The following DNAH2 variants were observed in gnomAD, a reference collection of about 807,000 sequenced individuals.
DNAH2 encodes axonemal beta dynein heavy chain 2.
In DNAH2, 323 loss-of-function variants were observed where a neutral mutation model predicts 523.5. The observed-to-expected ratio is 0.62, with a 90% CI of 0.56 to 0.68. DNAH2 has a LOEUF of 0.68. Among genes scored for constraint, DNAH2 ranks in the 30% least tolerant of loss-of-function variants. The probability of loss-of-function intolerance (pLI) is 0.00; values close to 1 mark genes in which losing one functional copy is unlikely to be tolerated. For synonymous variants in DNAH2, 2,093 were observed against 2,177.4 expected (o/e 0.96, Z 1.08); for missense variants, 4,907 against 5,701.5 (o/e 0.86, Z 4.49).
chr17:7,777,750 C>G (rs759591752), intron 33 of DNAH2, 116 bp downstream of exon 33: 158 of 1,297,766 alleles, frequency 1.2e-4, no homozygotes, highest in Non-Finnish European at 1.7e-4. Context: ...TCCTGTCCCA[C>G]TACCCTAATC....
At chr17:7,776,433 T>A (rs112870369) in intron 31 of DNAH2, among the ~76,000 whole-genome samples, 8,136 of 152,012 alleles carry the variant, frequency 0.054, 349 homozygotes, top group African/African-American at 0.11. Flanking sequence ...GCCGCTGCAC[T>A]CCAGCCTGGG....
chr17:7,740,616 A>C (rs1024620948), intron 10 of DNAH2, 67 bp downstream of exon 10: 13 of 1,592,812 alleles, frequency 8.2e-6, no homozygotes, highest in Non-Finnish European at 1.1e-5. Flanking sequence ...CTCCTTCCGG[A>C]GGCCCTCCTG....
At chr17:7,797,897 G>C in intron 53 of DNAH2, 68 bp downstream of exon 53, 1 of 1,530,436 alleles carries the variant, frequency 6.5e-7, no homozygotes, top group South Asian at 1.3e-5. Context: ...AGGAAATAGG[G>C]GTCCCTTCCC....
At chr17:7,777,390 T>C in intron 32 of DNAH2, 56 bp from the exon 33 acceptor site, 1 of 1,598,380 alleles carries the variant, frequency 6.3e-7, no homozygotes, top group South Asian at 1.1e-5. Flanking sequence ...CAAGGGTTGA[T>C]CAGGCTTTGG....
In DNAH2 at chr17:7,828,622, T is replaced by A. The variant is rs1471226925; in HGVS notation, c.11854-1678T>A. Among the ~76,000 whole-genome samples, 1 of 152,058 alleles carries A rather than the reference T, an allele frequency of 6.6e-6. No individual in the cohort carries two copies. The highest frequency in any genetic ancestry group is 1.5e-5 in the Non-Finnish European group (1 of 68,020). On this transcript the variant is annotated intron_variant, in intron 77 of 85. Coordinates refer to ENST00000572933, the MANE Select transcript of DNAH2 (RefSeq NM_020877.5). The surrounding 1 kb of genome is among the most constrained non-coding windows in gnomAD (Gnocchi z 4.1). ...TGTTCTTTTTTTATTTTTTATTTTT[T>A]AAATAGAGACAGAGTCTTGTTACGT...
intron 44 of DNAH2, among the ~76,000 whole-genome samples, chr17:7,790,714 A>T (rs1293591921): frequency 6.8e-6 from 1 of 147,726 alleles, no homozygotes; most frequent in East Asian, 2.0e-4. Context: ...CTCTTTTTTA[A>T]TTTTTTTTTT....
In DNAH2 at chr17:7,719,253, G is replaced by A. The variant is rs561891557; in HGVS notation, c.-15+454G>A. Among the ~76,000 whole-genome samples the A allele has an allele frequency of 6.4e-3, 967 of 151,624 alleles. 9 individuals are homozygous for A. The highest frequency in any genetic ancestry group is 0.021 in the African/African-American group (870 of 41,288). ...AGAGATTCTCCTGCCTCAGCCTCCC[G>A]AGTAGCTGGAATTACAGGCACGCAC... On this transcript the variant is annotated intron_variant, in intron 1 of 85. Coordinates refer to ENST00000572933, the MANE Select transcript of DNAH2 (RefSeq NM_020877.5).
In DNAH2 at chr17:7,828,442, T is replaced by C. The variant is rs1194471733; in HGVS notation, c.11854-1858T>C. ...CCTAATCTTTAAGTATATTTCTCCA[T>C]TTATTCATTTTTTCCTCTTTTTTTA... On this transcript the variant is annotated intron_variant, in intron 77 of 85. Transcript: ENST00000572933. The surrounding 1 kb of genome is among the most constrained non-coding windows in gnomAD (Gnocchi z 4.1). 6.6e-6 allele frequency among the ~76,000 whole-genome samples: 1 copy of C among 152,172 alleles called. No homozygotes were observed. Among genetic ancestry groups the C allele is most frequent in the African/African-American group, 2.4e-5 (1 of 41,402 alleles).
At position 7,817,771 on chromosome 17, in the gene DNAH2, A is replaced by G; in HGVS notation, c.10170-19A>G. ...CATGGGAGAGAGGGCCTCACCTCTG[A>G]CCTGTACTCCCCTTCCAGGTGGGCA... On this transcript the variant is annotated intron_variant, in intron 66 of 85. Coordinates refer to ENST00000572933, the MANE Select transcript of DNAH2 (RefSeq NM_020877.5). 1 of 1,613,930 alleles carries G rather than the reference A, an allele frequency of 6.2e-7. No individual in the cohort carries two copies. The highest frequency in any genetic ancestry group is 8.5e-7 in the Non-Finnish European group (1 of 1,180,006).
In DNAH2 at chr17:7,786,823, G is replaced by T. The variant is rs1012458079; in HGVS notation, c.6467-74G>T. The stretch of plus-strand genomic sequence containing the variant: ...GAAGTACAAGGGAGTGTAGGCTTGT[G>T]TCTCCGAGGAGCGTGAGCGGAGGGT... On this transcript the variant is annotated intron_variant, in intron 41 of 85. Coordinates refer to ENST00000572933, the MANE Select transcript of DNAH2 (RefSeq NM_020877.5). This position sits in a 1 kb window ranked among gnomAD's most constrained non-coding sequence, Gnocchi z 7.5. The T allele has an allele frequency of 8.1e-6, 13 of 1,608,324 alleles. No homozygotes were observed. Among genetic ancestry groups the T allele is most frequent in the Non-Finnish European group, 1.1e-5 (13 of 1,175,744 alleles).
At chr17:7,824,886 A>G (rs1246558447) in intron 77 of DNAH2, among the ~76,000 whole-genome samples, 159 bp downstream of exon 77, 2 of 152,160 alleles carry the variant, frequency 1.3e-5, no homozygotes, top group Non-Finnish European at 2.9e-5. Flanking sequence ...CCTAGAACAC[A>G]ATAATAAGAG....
At chr17:7,794,604 G>A (rs2077013133) in intron 49 of DNAH2, among the ~76,000 whole-genome samples, 1 of 152,172 alleles carries the variant, frequency 6.6e-6, no homozygotes, top group Non-Finnish European at 1.5e-5. Flanking sequence ...ACACAGTGAA[G>A]CCCAAGTAGA....
chr17:7,760,078 G>A lies in DNAH2; in HGVS notation c.2785+140G>A. On this transcript the variant is annotated intron_variant, in intron 17 of 85. Transcript: ENST00000572933. The surrounding 1 kb of genome is among the most constrained non-coding windows in gnomAD (Gnocchi z 4.0). ...GACCTGGGGAAAACTCAGGTCAAGG[G>A]GCCAGATCGGCTGGCACAGTGGCTT... 7.7e-7 allele frequency: 1 copy of A among 1,298,174 alleles called. No individual in the cohort carries two copies. Among genetic ancestry groups the A allele is most frequent in the Non-Finnish European group, 1.1e-6 (1 of 926,012 alleles). 80.4% of individuals were successfully genotyped at this position (1,298,174 alleles called of 1,614,324 possible). A position where few individuals can be genotyped will look rare whatever the true frequency, so the allele number is the denominator to read the frequency against.
intron 11 of DNAH2, among the ~76,000 whole-genome samples, chr17:7,741,478 C>T (rs988246434): frequency 1.3e-5 from 2 of 151,168 alleles, no homozygotes; most frequent in African/African-American, 4.9e-5. Context: ...CTGCCTCAGC[C>T]TCCCGAGTAG....
intron 20 of DNAH2, among the ~76,000 whole-genome samples, chr17:7,764,760 C>G (rs1288455648): frequency 1.5e-5 from 2 of 136,358 alleles, no homozygotes; most frequent in African/African-American, 5.7e-5. Flanking sequence ...CCGCACCCAG[C>G]TGGATTTACT....
At chr17:7,810,443 C>T (rs186022976) in intron 63 of DNAH2, among the ~76,000 whole-genome samples, 34 of 152,224 alleles carry the variant, frequency 2.2e-4, no homozygotes, top group African/African-American at 6.3e-4. Flanking sequence ...GGCTGGAGCA[C>T]GGTGGTGCGA....
In DNAH2 at chr17:7,759,454, G is replaced by C; in HGVS notation, c.2481G>C (p.Arg827=). ...AGCAGTGGATGCTGTACATGATTCG[G>C]CTGGACCGCATGATGGAGGATGCCC... ...IQQQWMLYMI[R]LDRMMEDALR... Residue 827 remains arginine, a synonymous_variant, in exon 16 of 86, where the codon CGG becomes CGC. Coordinates refer to ENST00000572933, the MANE Select transcript of DNAH2 (RefSeq NM_020877.5). 6.2e-7 allele frequency: 1 copy of C among 1,613,940 alleles called. No individual in the cohort carries two copies. The highest frequency in any genetic ancestry group is 8.5e-7 in the Non-Finnish European group (1 of 1,179,912).
In DNAH2 at chr17:7,832,464, G is replaced by A. The variant is rs933570947; in HGVS notation, c.12727-115G>A. 1.6e-5 allele frequency: 21 copies of A among 1,286,818 alleles called. No individual in the cohort carries two copies. Among genetic ancestry groups the A allele is most frequent in the East Asian group, 4.7e-5 (2 of 42,870 alleles). The allele number at this position is 1,286,818 out of a possible 1,614,324, so 79.7% of individuals were successfully genotyped here. A position where few individuals can be genotyped will look rare whatever the true frequency, so the allele number is the denominator to read the frequency against. The stretch of plus-strand genomic sequence containing the variant: ...GTGGAGGTTGCAGTGAGCCAAGATC[G>A]TACCACTGCACTCCAGCCTGGGGGA... On this transcript the variant is annotated intron_variant, in intron 82 of 85. Coordinates refer to ENST00000572933, the MANE Select transcript of DNAH2 (RefSeq NM_020877.5). This position sits in a 1 kb window ranked among gnomAD's most constrained non-coding sequence, Gnocchi z 4.3.
intron 4 of DNAH2, among the ~76,000 whole-genome samples, chr17:7,732,368 G>T (rs2075014880): frequency 6.7e-6 from 1 of 148,450 alleles, no homozygotes. Flanking sequence ...CCGGGGGGCG[G>T]AGATTGCAGT....
Sources: gnomAD v4.1 joint callset for allele counts (sites outside exome capture counted in the v4.1 genomes callset) on GRCh38, gnomAD v4.1.1 for gene constraint, Gnocchi (gnomAD v3.1) non-coding constraint, MANE v1.5 for transcripts, NCBI Gene and HGNC (gene_info 2026-07-23, HGNC 2026-07-21) for gene names.